The following SLMAP variants were observed in gnomAD, a reference collection of about 807,000 sequenced individuals.
The protein encoded by SLMAP is sarcolemma associated protein, also known as sarcolemmal membrane-associated protein.
In SLMAP, 44 loss-of-function variants were observed where a neutral mutation model predicts 128.8. The ratio of observed to expected loss-of-function variants is 0.34; its 90% CI spans 0.27 to 0.44. SLMAP has a LOEUF of 0.44. SLMAP is among the 20% of genes least tolerant of loss of function. SLMAP has a pLI of 1.00. For synonymous variants in SLMAP, 327 were observed against 348.8 expected (o/e 0.94, Z 0.70); for missense variants, 787 against 985.3 (o/e 0.80, Z 2.69).
At chr3:57,809,635 G>T (rs985295907) in intron 2 of SLMAP, among the ~76,000 whole-genome samples, 6 of 152,194 alleles carry the variant, frequency 3.9e-5, no homozygotes, top group African/African-American at 1.4e-4. Flanking sequence ...CTAAAGGCTG[G>T]GGGCCAGCCC....
intron 2 of SLMAP, among the ~76,000 whole-genome samples, chr3:57,778,988 G>A (rs9865225): frequency 0.11 from 16,660 of 151,992 alleles, 3,079 homozygotes; most frequent in African/African-American, 0.38. Flanking sequence ...GCCAGGAGAC[G>A]TGTTCAAGCA....
At chr3:57,861,878 C>G in intron 9 of SLMAP, 71 bp from the exon 10 acceptor site, 1 of 1,308,398 alleles carries the variant, frequency 7.6e-7, no homozygotes, top group South Asian at 1.3e-5. Context: ...TTATAAATTT[C>G]ATTTAGAAGG....
At chr3:57,892,471 G>A (rs142083423) in intron 15 of SLMAP, among the ~76,000 whole-genome samples, 134 of 152,136 alleles carry the variant, frequency 8.8e-4, no homozygotes, top group African/African-American at 3.0e-3. Context: ...CTAACTAGCT[G>A]TACACCCTCA....
chr3:57,800,985 CT>C, intron 2 of SLMAP: 1 of 285,208 alleles, frequency 3.5e-6, no homozygotes, highest in Non-Finnish European at 6.9e-6. Flanking sequence ...CCTACTTTTC[CT>C]TTAGCACAAC....
intron 17 of SLMAP, 36 bp from the exon 18 acceptor site, chr3:57,907,848 T>C (rs1339392536): frequency 1.2e-6 from 2 of 1,603,124 alleles, no homozygotes; most frequent in Admixed American, 1.7e-5. Context: ...AGTGTGATAC[T>C]AACTCTTGCT....
intron 2 of SLMAP, among the ~76,000 whole-genome samples, chr3:57,780,979 C>CATAT (rs200316061): frequency 7.3e-5 from 11 of 150,828 alleles, no homozygotes; most frequent in African/African-American, 2.4e-4. Context: ...TATACATACA[C>CATAT]ATATATATAT....
At chr3:57,871,743 G>A (rs1361840561) in intron 14 of SLMAP, 45 bp downstream of exon 14, 9 of 1,445,610 alleles carry the variant, frequency 6.2e-6, no homozygotes, top group Non-Finnish European at 8.7e-6. Flanking sequence ...GAAGTCAGGG[G>A]CTAAAACTTA....
At chr3:57,781,643 G>A (rs1409397730) in intron 2 of SLMAP, among the ~76,000 whole-genome samples, 1 of 151,902 alleles carries the variant, frequency 6.6e-6, no homozygotes, top group Non-Finnish European at 1.5e-5. Context: ...AGGGATGGCA[G>A]GAAGTCTTTT....
intron 4 of SLMAP, 122 bp from the exon 5 acceptor site, chr3:57,847,075 C>CT: frequency 4.6e-6 from 3 of 646,796 alleles, no homozygotes; most frequent in Non-Finnish European, 8.2e-6. Context: ...AATAGTTCAC[C>CT]TTTTTTTAAT....
At chr3:57,919,896 G>C (rs1050382779) in intron 22 of SLMAP, among the ~76,000 whole-genome samples, 1 of 152,108 alleles carries the variant, frequency 6.6e-6, no homozygotes, top group African/African-American at 2.4e-5. Flanking sequence ...CGTGGGGCCA[G>C]AGTCCTTGCC....
chr3:57,869,628 T>TA (rs1156575988), intron 13 of SLMAP, among the ~76,000 whole-genome samples: 7 of 38,880 alleles, frequency 1.8e-4, no homozygotes, highest in African/African-American at 7.8e-4. Flanking sequence ...ATCCCATCTC[T>TA]ATTATATATA....
At chr3:57,915,842 ATTTTT>A (rs1252027962) in intron 21 of SLMAP, among the ~76,000 whole-genome samples, 1 of 152,036 alleles carries the variant, frequency 6.6e-6, no homozygotes, top group Non-Finnish European at 1.5e-5. Context: ...TGTAAGTCAG[ATTTTT>A]TTTAACATCC....
intron 2 of SLMAP, among the ~76,000 whole-genome samples, chr3:57,806,120 A>G (rs1387391467): frequency 1.3e-5 from 2 of 151,466 alleles, no homozygotes; most frequent in Admixed American, 6.6e-5. Context: ...TACATGTGCC[A>G]TGGTGGTTTG....
At chr3:57,910,863 T>C (rs543947892) in intron 19 of SLMAP, among the ~76,000 whole-genome samples, 1 of 152,330 alleles carries the variant, frequency 6.6e-6, no homozygotes, top group African/African-American at 2.4e-5. Context: ...AGAGTCATTG[T>C]ACGAGGCCCA....
intron 2 of SLMAP, among the ~76,000 whole-genome samples, chr3:57,828,011 C>T (rs150616925): frequency 1.3e-5 from 2 of 152,306 alleles, no homozygotes; most frequent in African/African-American, 2.4e-5. Context: ...TGCAGTGGCA[C>T]GATCTTAGCT....
chr3:57,885,847 G>A (rs1329543232), intron 14 of SLMAP, among the ~76,000 whole-genome samples: 6 of 123,780 alleles, frequency 4.8e-5, no homozygotes, highest in Admixed American at 1.0e-4. Flanking sequence ...GCAGTGGTGC[G>A]ATCTTGGCTC....
intron 19 of SLMAP, 75 bp from the exon 20 acceptor site, chr3:57,912,306 T>C: frequency 4.0e-6 from 5 of 1,257,202 alleles, no homozygotes; most frequent in Non-Finnish European, 4.6e-6. Flanking sequence ...ACCCAGGTTA[T>C]GCATTAGCTA....
Position 57,913,193 on chromosome 3 carries a change from T to C in SLMAP, c.2056T>C (p.Leu686=), listed in dbSNP as rs779344312. Residue 686 remains leucine (L), a synonymous_variant, in exon 21 of 25, where the codon TTG becomes CTG. Transcript: ENST00000671191. ...LEKLRKEWNA[L]ETECHSLKRE... is the part of the protein sequence containing the mutation. ...GAAGTTGAGAAAGGAATGGAATGCATTGGAAACCGAATGCCATTCTCTAAA... is the reference window on the plus strand; with the variant it reads ...GAAGTTGAGAAAGGAATGGAATGCACTGGAAACCGAATGCCATTCTCTAAA... 5.6e-6 allele frequency: 9 copies of C among 1,596,454 alleles called. No homozygotes were observed. The highest frequency in any genetic ancestry group is 2.2e-5 in the East Asian group (1 of 44,626).
At chr3:57,777,132 GAT>G (rs2153454208) in intron 2 of SLMAP, among the ~76,000 whole-genome samples, 1 of 150,858 alleles carries the variant, frequency 6.6e-6, no homozygotes. Context: ...ATAGCATTAG[GAT>G]ATATACCTAA....
Sources: allele counts gnomAD v4.1 joint callset (sites outside exome capture counted in the v4.1 genomes callset), GRCh38; gene constraint gnomAD v4.1.1; transcripts MANE v1.5; gene names NCBI Gene and HGNC (gene_info 2026-07-23, HGNC 2026-07-21).